Variants in NAV1 observed in about 807,000 individuals in gnomAD.
NAV1 encodes pore membrane and/or filament interacting like protein 3.
NAV1 carries 18 observed loss-of-function variants against 175.2 expected under a neutral mutation model. The observed-to-expected ratio is 0.10, with a 90% CI of 0.07 to 0.15. The LOEUF is 0.15. Ranked by LOEUF, NAV1 falls within the 10% of genes least tolerant of loss-of-function variation. NAV1 has a pLI of 1.00. For synonymous variants in NAV1, 897 were observed against 978.7 expected (o/e 0.92, Z 1.56); for missense variants, 1,731 against 2,436.6 (o/e 0.71, Z 6.10).
At chr1:201,686,147 T>G (rs1396862068) in intron 1 of NAV1, among the ~76,000 whole-genome samples, 2 of 152,110 alleles carry the variant, frequency 1.3e-5, no homozygotes, top group African/African-American at 4.8e-5. Context: ...CCCTTCTAGA[T>G]GGAAGGGAGT....
chr1:201,716,193 C>T (rs1334502202), intron 2 of NAV1, among the ~76,000 whole-genome samples: 2 of 152,132 alleles, frequency 1.3e-5, no homozygotes, highest in African/African-American at 4.8e-5. Context: ...TGGAGATCCC[C>T]GCCACCCTCT....
At chr1:201,803,818 C>T (rs531899745) in intron 16 of NAV1, 104 bp downstream of exon 20, 10 of 1,401,594 alleles carry the variant, frequency 7.1e-6, no homozygotes, top group South Asian at 3.9e-5. Flanking sequence ...GGTGTAGTCC[C>T]GTCTAACACT....
chr1:201,743,421 T>A (rs1269138312), intron 3 of NAV1, among the ~76,000 whole-genome samples: 1 of 152,204 alleles, frequency 6.6e-6, no homozygotes, highest in African/African-American at 2.4e-5. Flanking sequence ...TAGAACTCAC[T>A]CCACTACTAA....
chr1:201,542,054 C>A (rs1354511991), intron 1 of NAV1, among the ~76,000 whole-genome samples: 2 of 152,224 alleles, frequency 1.3e-5, no homozygotes, highest in Non-Finnish European at 2.9e-5. Context: ...CTCCTCCCAA[C>A]CCCTGCTCTT....
rs1386439700 is a variant in NAV1, at chr1:201,782,496, C to T, written c.1984C>T (p.Pro662Ser). ...CAGTGCAGAGCCAGGATTCCTGGCT[C>T]CTGGAGCCCGTTCTAACATCCAGTA... The change falls in exon 6 of 30, where the codon CCT (proline) becomes TCT (serine). Residue 662 changes from proline to serine, a missense_variant. Around this residue, in one of 13 missense-constraint regions of NAV1, gnomAD observed 634 missense variants for 766.8 expected, o/e 0.83. Transcript: ENST00000367296. The surrounding 1 kb of genome is among the most constrained non-coding windows in gnomAD (Gnocchi z 5.4). The T allele has an allele frequency of 6.2e-7, 1 of 1,613,238 alleles. No homozygotes were observed. Among genetic ancestry groups the T allele is most frequent in the Admixed American group, 1.7e-5 (1 of 60,012 alleles).
intron 1 of NAV1, among the ~76,000 whole-genome samples, chr1:201,702,897 C>G (rs1254604367): frequency 6.6e-6 from 1 of 152,188 alleles, no homozygotes; most frequent in Non-Finnish European, 1.5e-5. Context: ...AATAACTGGG[C>G]TCTCTCAAAG....
intron 1 of NAV1, among the ~76,000 whole-genome samples, chr1:201,678,544 C>T (rs1410371563): frequency 6.6e-6 from 1 of 152,168 alleles, no homozygotes; most frequent in Non-Finnish European, 1.5e-5. Flanking sequence ...AACCTGCACT[C>T]TTAACTCCTC....
chr1:201,742,327 G>A (rs1673475954), intron 3 of NAV1, among the ~76,000 whole-genome samples: 1 of 152,164 alleles, frequency 6.6e-6, no homozygotes, highest in East Asian at 1.9e-4. Flanking sequence ...GGGTATTTGG[G>A]TGAATGACTT....
chr1:201,814,162 C>T (rs2102824880), intron 28 of NAV1, among the ~76,000 whole-genome samples: 1 of 152,168 alleles, frequency 6.6e-6, no homozygotes, highest in South Asian at 2.1e-4. Context: ...GAGAGGACTA[C>T]TTGAGCCCAG....
chr1:201,666,440 A>G (rs1669826545), intron 1 of NAV1, among the ~76,000 whole-genome samples: 3 of 152,054 alleles, frequency 2.0e-5, no homozygotes, highest in Non-Finnish European at 4.4e-5. Flanking sequence ...GGGGTGGGGG[A>G]TGGTTTATGA....
exon 30 of NAV1, chr1:201,823,723 TTC>T (rs1679518194): frequency 6.6e-6 from 1 of 152,236 alleles, no homozygotes; most frequent in Non-Finnish European, 1.5e-5. Flanking sequence ...GGGCTTCTTT[TTC>T]TCTCTTAATG....
chr1:201,803,120 T>C (rs1678047313), intron 15 of NAV1, among the ~76,000 whole-genome samples: 2 of 152,002 alleles, frequency 1.3e-5, no homozygotes, highest in South Asian at 4.1e-4. Flanking sequence ...GCAAAGATTT[T>C]CTACCCACCA....
upstream of NAV1, among the ~76,000 whole-genome samples, chr1:201,643,960 C>T (rs928895761): frequency 6.6e-6 from 1 of 152,234 alleles, no homozygotes; most frequent in Non-Finnish European, 1.5e-5. Flanking sequence ...TATCTGTCAA[C>T]AGATGTAGTC....
chr1:201,583,101 G>A (rs1400317839), intron 1 of NAV1, among the ~76,000 whole-genome samples: 1 of 152,108 alleles, frequency 6.6e-6, no homozygotes, highest in Non-Finnish European at 1.5e-5. Flanking sequence ...CTGTCCAGGT[G>A]TCTGAGTGGG....
intron 3 of NAV1, among the ~76,000 whole-genome samples, chr1:201,729,121 T>TA (rs1672737504): frequency 6.6e-6 from 1 of 152,178 alleles, no homozygotes. Flanking sequence ...CTCCCCTCTT[T>TA]AATTGTCAAC....
intron 1 of NAV1, among the ~76,000 whole-genome samples, chr1:201,574,922 G>A (rs1004890634): frequency 1.3e-5 from 2 of 152,192 alleles, no homozygotes; most frequent in Non-Finnish European, 2.9e-5. Context: ...TGGCTAGGGA[G>A]GCATGGAAGA....
chr1:201,805,303 T>G (rs1164848966), intron 17 of NAV1, among the ~76,000 whole-genome samples: 1 of 152,228 alleles, frequency 6.6e-6, no homozygotes, highest in Non-Finnish European at 1.5e-5. Flanking sequence ...CAATGCTTAT[T>G]CGGGCAGTAA....
Position 201,642,167 on chromosome 1 carries a change from C to CCGT in NAV1, c.5-6466_5-6465insGTC, listed in dbSNP as rs1668780257. On this transcript the variant is annotated intron_variant, in intron 2 of 29. Transcript: ENST00000367302. ...CCTTCTTTTTCTTTCTCTCTCCCCT[C>CCGT]CCTTCCTTCCTTCCTTCCTTCCCTC... is the stretch of plus-strand genomic sequence containing the variant. Among the ~76,000 whole-genome samples the CCGT allele has an allele frequency of 5.9e-3, 687 of 116,292 alleles. 6 individuals carry two copies. The highest frequency in any genetic ancestry group is 0.024 in the African/African-American group (667 of 27,502). The allele number at this position is 116,292 out of a possible 152,430, so 76.3% of individuals were successfully genotyped here.
intron 1 of NAV1, among the ~76,000 whole-genome samples, chr1:201,566,592 A>C (rs1275515199): frequency 6.6e-6 from 1 of 152,160 alleles, no homozygotes; most frequent in Non-Finnish European, 1.5e-5. Context: ...CACAACACAC[A>C]CAGAACTCTT....
Sources: gnomAD v4.1 joint callset for allele counts (sites outside exome capture counted in the v4.1 genomes callset) on GRCh38, gnomAD v4.1.1 for gene constraint, gnomAD v4.1.1 regional missense constraint, Gnocchi (gnomAD v3.1) non-coding constraint, MANE v1.5 for transcripts, NCBI Gene and HGNC (gene_info 2026-07-23, HGNC 2026-07-21) for gene names.